Variants in FAM227B observed in about 807,000 individuals in gnomAD.
FAM227B encodes family with sequence similarity 227 member B.
Under a neutral mutation model 73.8 loss-of-function variants are expected in FAM227B, and 88 were observed. The observed-to-expected ratio is 1.19, with a 90% CI of 1.00 to 1.42. The LOEUF (loss-of-function observed/expected upper bound fraction) is 1.42. FAM227B is among the 40% of genes most tolerant of loss of function. The pLI is 0.00. For synonymous variants in FAM227B, 210 were observed against 190.5 expected (o/e 1.10, Z -0.84); for missense variants, 632 against 590.9 (o/e 1.07, Z -0.72).
chr15:49,592,620 T>TC (rs1465672870), intron 3 of FAM227B, among the ~76,000 whole-genome samples: 1 of 152,226 alleles, frequency 6.6e-6, no homozygotes, highest in East Asian at 1.9e-4. Flanking sequence ...GGGAGGTGTC[T>TC]CCCAGTTAGG....
chr15:49,589,674 A>T, intron 4 of FAM227B, 102 bp downstream of exon 4: 1 of 714,050 alleles, frequency 1.4e-6, no homozygotes, highest in Non-Finnish European at 2.4e-6. Context: ...ACACTTTTGG[A>T]GGGTGACTCA....
intron 11 of FAM227B, among the ~76,000 whole-genome samples, chr15:49,412,731 G>A (rs1165913002): frequency 1.3e-5 from 2 of 151,974 alleles, no homozygotes; most frequent in Non-Finnish European, 2.9e-5. Flanking sequence ...AAATGAGGGA[G>A]GATGGCCCTT....
chr15:49,463,160 A>G (rs987036329), intron 11 of FAM227B, among the ~76,000 whole-genome samples: 13 of 152,322 alleles, frequency 8.5e-5, no homozygotes, highest in African/African-American at 2.2e-4. Context: ...CAGTACTACA[A>G]TCTCTTCACT....
At chr15:49,592,425 C>T (rs1039515226) in intron 3 of FAM227B, among the ~76,000 whole-genome samples, 1 of 152,214 alleles carries the variant, frequency 6.6e-6, no homozygotes, top group Non-Finnish European at 1.5e-5. Flanking sequence ...AATCAGGTCC[C>T]TCAACTGCAG....
chr15:49,416,702 T>TATAC lies in FAM227B; in HGVS notation c.1013-45307_1013-45304dup, dbSNP rs527415952. On this transcript the variant is annotated intron_variant, in intron 11 of 15. Transcript: ENST00000299338. Reference sequence around the variant, plus strand: ...AATGTACAAAAATCACTAGCATTCTTATACACCAACAGTCAAGCTGAAAGC... The same window carrying TATAC: ...AATGTACAAAAATCACTAGCATTCTTATACATACACCAACAGTCAAGCTGAAAGC... Among the ~76,000 whole-genome samples the TATAC allele has an allele frequency of 8.7e-4, 133 of 152,030 alleles. 5 individuals carry two copies. The South Asian group carries it at 0.026, about 30-fold the overall frequency.
chr15:49,534,908 A>G (rs1799744925), intron 10 of FAM227B, among the ~76,000 whole-genome samples: 1 of 151,762 alleles, frequency 6.6e-6, no homozygotes, highest in Non-Finnish European at 1.5e-5. Context: ...AAATGGAAAC[A>G]TGACATACTA....
intron 15 of FAM227B, chr15:49,329,496 AT>A: frequency 5.1e-6 from 5 of 985,362 alleles, no homozygotes; most frequent in Non-Finnish European, 6.0e-6. Context: ...ACCATCTAGA[AT>A]TTCAGTTTAA....
At chr15:49,407,236 T>C (rs535793627) in intron 11 of FAM227B, among the ~76,000 whole-genome samples, 1 of 152,310 alleles carries the variant, frequency 6.6e-6, no homozygotes, top group Admixed American at 6.5e-5. Flanking sequence ...CTTGAGTGTC[T>C]GTGGTGGTTT....
chr15:49,564,601 A>G (rs148062581), intron 9 of FAM227B, among the ~76,000 whole-genome samples: 4 of 152,116 alleles, frequency 2.6e-5, no homozygotes, highest in African/African-American at 4.8e-5. Context: ...CTATCCATCA[A>G]TGGTGAACTG....
chr15:49,566,412 A>G (rs1461126656), intron 9 of FAM227B, among the ~76,000 whole-genome samples: 1 of 152,200 alleles, frequency 6.6e-6, no homozygotes, highest in Admixed American at 6.5e-5. Flanking sequence ...GATGAAGGAG[A>G]TTAAGTGTCA....
chr15:49,346,741 T>A (rs1398698554), intron 13 of FAM227B, among the ~76,000 whole-genome samples: 1 of 152,140 alleles, frequency 6.6e-6, no homozygotes, highest in African/African-American at 2.4e-5. Context: ...TAATGCTAAT[T>A]GTATAACAAG....
chr15:49,453,955 C>T (rs561096961), intron 11 of FAM227B, among the ~76,000 whole-genome samples: 26 of 152,292 alleles, frequency 1.7e-4, no homozygotes, highest in Admixed American at 1.4e-3. Flanking sequence ...CCAAGTCCTA[C>T]TATTCTATCA....
chr15:49,430,262 G>T (rs1332755662), intron 11 of FAM227B, among the ~76,000 whole-genome samples: 1 of 151,894 alleles, frequency 6.6e-6, no homozygotes. Context: ...ATGACAGGCA[G>T]GTCTGCATCT....
At chr15:49,331,595 T>C in intron 15 of FAM227B, 185 bp downstream of exon 15, 1 of 534,926 alleles carries the variant, frequency 1.9e-6, no homozygotes, top group Non-Finnish European at 3.3e-6. Flanking sequence ...TGAACATGAG[T>C]TGTCACTAAA....
chr15:49,409,473 C>T (rs2048733812), intron 11 of FAM227B, among the ~76,000 whole-genome samples: 1 of 150,920 alleles, frequency 6.6e-6, no homozygotes, highest in African/African-American at 2.4e-5. Flanking sequence ...AGTACTTGTA[C>T]TCTTTTATTA....
intron 11 of FAM227B, among the ~76,000 whole-genome samples, chr15:49,502,189 T>C (rs1411682291): frequency 2.0e-5 from 3 of 152,014 alleles, no homozygotes; most frequent in Non-Finnish European, 2.9e-5. Context: ...CCACACAGAG[T>C]ACCCACTGGG....
chr15:49,407,848 A>G (rs753528801), intron 11 of FAM227B, among the ~76,000 whole-genome samples: 2 of 151,840 alleles, frequency 1.3e-5, no homozygotes, highest in Non-Finnish European at 2.9e-5. Flanking sequence ...GTTGTTGTCA[A>G]TCTCTCATCC....
chr15:49,613,150 A>G (rs1316066987), intron 2 of FAM227B, among the ~76,000 whole-genome samples: 1 of 152,160 alleles, frequency 6.6e-6, no homozygotes. Context: ...CAGGAGTTTG[A>G]GACCAGGTTG....
rs376153696 is a variant in FAM227B, at chr15:49,411,214, A to G, written c.1013-39815T>C. ...GGTATCACCAGGGTAATAGCATAAT[A>G]TAATTTTATCTGTAAACCAAGGAAG... is the stretch of plus-strand genomic sequence containing the variant. On this transcript the variant is annotated intron_variant, in intron 11 of 15. Coordinates refer to ENST00000299338, the MANE Select transcript of FAM227B (RefSeq NM_152647.3). Among the ~76,000 whole-genome samples, 3 of 152,134 alleles carry G rather than the reference A, an allele frequency of 2.0e-5. No homozygotes were observed. In the South Asian group the frequency reaches 6.2e-4, roughly 32 times the overall value.
Sources: gnomAD v4.1 joint callset for allele counts (sites outside exome capture counted in the v4.1 genomes callset) on GRCh38, gnomAD v4.1.1 for gene constraint, MANE v1.5 for transcripts, NCBI Gene and HGNC (gene_info 2026-07-23, HGNC 2026-07-21) for gene names.